Variants in FBLN7 observed in about 807,000 individuals in gnomAD.
The protein encoded by FBLN7 is fibulin 7.
FBLN7 carries 31 observed loss-of-function variants against 44.0 expected under a neutral mutation model. The observed-to-expected ratio is 0.70, with a 90% CI of 0.53 to 0.95. The LOEUF is 0.95. FBLN7 is among the 40% of genes least tolerant of loss of function. The pLI is 0.00. For missense variants in FBLN7, 573 were observed against 618.5 expected (o/e 0.93, Z 0.78); for synonymous variants, 262 against 253.4 (o/e 1.03, Z -0.32).
chr2:112,172,008 A>G (rs148052540), intron 3 of FBLN7, among the ~76,000 whole-genome samples: 1 of 152,150 alleles, frequency 6.6e-6, no homozygotes, highest in Non-Finnish European at 1.5e-5. Context: ...CGGCCTCCCA[A>G]AGTGCTAGGA....
chr2:112,164,633 G>A (rs1031826446), intron 2 of FBLN7, among the ~76,000 whole-genome samples: 1 of 152,224 alleles, frequency 6.6e-6, no homozygotes, highest in African/African-American at 2.4e-5. Context: ...GGCTGAGCCC[G>A]GCCTGTTCAG....
At chr2:112,226,976 A>T in the FBLN7 span, among the ~76,000 whole-genome samples, 1 of 152,232 alleles carries the variant, frequency 6.6e-6, no homozygotes, top group Admixed American at 6.5e-5. Flanking sequence ...ATGCACAGAA[A>T]TCATTTGATA....
At chr2:112,157,521 GC>G (rs1681492154) in intron 1 of FBLN7, among the ~76,000 whole-genome samples, 1 of 152,160 alleles carries the variant, frequency 6.6e-6, no homozygotes, top group Non-Finnish European at 1.5e-5. Context: ...AATGTGAATG[GC>G]CTTAGTAGAG....
chr2:112,224,734 AT>A, the FBLN7 span, among the ~76,000 whole-genome samples: 1 of 152,210 alleles, frequency 6.6e-6, no homozygotes, highest in Non-Finnish European at 1.5e-5. Flanking sequence ...AGACTATATA[AT>A]TCTGCTTATA....
At chr2:112,172,241 G>T (rs531697171) in intron 3 of FBLN7, among the ~76,000 whole-genome samples, 1 of 152,026 alleles carries the variant, frequency 6.6e-6, no homozygotes, top group Non-Finnish European at 1.5e-5. Flanking sequence ...TTTGAATCAG[G>T]GTCAAAATCA....
intron 2 of FBLN7, among the ~76,000 whole-genome samples, chr2:112,160,844 A>G (rs889136456): frequency 8.9e-6 from 1 of 112,920 alleles, no homozygotes; most frequent in Non-Finnish European, 2.0e-5. Context: ...ACGCACGCAC[A>G]CGCGCACACA....
chr2:112,238,527 A>G, the FBLN7 span: 1 of 1,592,664 alleles, frequency 6.3e-7, no homozygotes, highest in South Asian at 1.1e-5. Context: ...AGAGTGTCTA[A>G]ACTAAGTAAA....
At chr2:112,184,215 G>T (rs1315808801) in intron 6 of FBLN7, among the ~76,000 whole-genome samples, 1 of 152,184 alleles carries the variant, frequency 6.6e-6, no homozygotes, top group Non-Finnish European at 1.5e-5. Flanking sequence ...ATGGAAACAG[G>T]ACACAGAGGG....
At chr2:112,155,225 G>A (rs188316063) in intron 1 of FBLN7, among the ~76,000 whole-genome samples, 4 of 152,172 alleles carry the variant, frequency 2.6e-5, no homozygotes, top group African/African-American at 9.7e-5. Context: ...CATAATGTGG[G>A]TCTCATGGGT....
At chr2:112,233,955 C>A in the FBLN7 span, among the ~76,000 whole-genome samples, 1 of 152,096 alleles carries the variant, frequency 6.6e-6, no homozygotes, top group Middle Eastern at 3.2e-3. Flanking sequence ...GGATTACAGG[C>A]CTGGCTACTT....
chr2:112,142,338 G>A (rs72831609), intron 1 of FBLN7, among the ~76,000 whole-genome samples: 8,884 of 152,210 alleles, frequency 0.058, 374 homozygotes, highest in African/African-American at 0.12. Context: ...GGGCTCTGGC[G>A]TAGTACCGAT....
the FBLN7 span, among the ~76,000 whole-genome samples, chr2:112,197,997 G>A: frequency 6.6e-6 from 1 of 152,150 alleles, no homozygotes; most frequent in African/African-American, 2.4e-5. Flanking sequence ...TTGACTCCAG[G>A]AACAGGAAGG....
chr2:112,226,317 G>A, the FBLN7 span, among the ~76,000 whole-genome samples: 2 of 151,628 alleles, frequency 1.3e-5, no homozygotes, highest in Non-Finnish European at 2.9e-5. Context: ...GGCTGGGCGC[G>A]GTAGCTCACG....
At chr2:112,214,793 C>T in the FBLN7 span, 2 of 152,120 alleles carry the variant, frequency 1.3e-5, no homozygotes, top group Non-Finnish European at 2.9e-5. Flanking sequence ...GTAGGAGAGA[C>T]CCACAGGCTA....
intron 3 of FBLN7, among the ~76,000 whole-genome samples, chr2:112,168,205 A>T (rs1008163835): frequency 2.6e-5 from 4 of 152,184 alleles, no homozygotes; most frequent in African/African-American, 9.7e-5. Flanking sequence ...AGCCTCCTGC[A>T]TAGCCCTTTT....
intron 2 of FBLN7, among the ~76,000 whole-genome samples, chr2:112,160,211 C>G (rs56166956): frequency 0.033 from 4,945 of 152,138 alleles, 91 homozygotes; most frequent in Middle Eastern, 0.051. Context: ...AGGATGGTCT[C>G]GATCTCCTGA....
the FBLN7 span, among the ~76,000 whole-genome samples, chr2:112,201,514 CCTT>C: frequency 6.6e-6 from 1 of 152,144 alleles, no homozygotes; most frequent in Non-Finnish European, 1.5e-5. Context: ...GGCATTTTTC[CCTT>C]CTTTTTTTTT....
At chr2:112,236,795 C>A in the FBLN7 span, 1 of 1,116,472 alleles carries the variant, frequency 9.0e-7, no homozygotes, top group Non-Finnish European at 1.3e-6. Flanking sequence ...GTCTGTAATC[C>A]CAGCTCTTTG....
chr2:112,175,137 A>T (rs1428902255), intron 3 of FBLN7, among the ~76,000 whole-genome samples: 1 of 152,098 alleles, frequency 6.6e-6, no homozygotes, highest in Non-Finnish European at 1.5e-5. Flanking sequence ...AATGTCAAAA[A>T]ACTCTTACCT....
Sources: allele counts gnomAD v4.1 joint callset (sites outside exome capture counted in the v4.1 genomes callset), GRCh38; gene constraint gnomAD v4.1.1; transcripts MANE v1.5; gene names NCBI Gene and HGNC (gene_info 2026-07-23, HGNC 2026-07-21).